PCDHGB3: variants seen among roughly 807,000 people sequenced by gnomAD.
PCDHGB3 encodes protocadherin gamma-B3.
PCDHGB3 carries 40 observed loss-of-function variants against 59.2 expected under a neutral mutation model. The observed-to-expected ratio is 0.68, with a 90% CI of 0.52 to 0.88. PCDHGB3 has a LOEUF of 0.88. PCDHGB3 is among the 40% of genes least tolerant of loss of function. The pLI, the probability that PCDHGB3 is intolerant of heterozygous loss-of-function variation, is 0.00. For missense variants in PCDHGB3, 1,309 were observed against 1,187.9 expected, an observed-to-expected ratio of 1.10 and a Z score of -1.50; for synonymous variants, 581 against 503.6, an observed-to-expected ratio of 1.15 and a Z score of -2.06.
intron 1 of PCDHGB3, chr5:141,421,172 G>T: frequency 7.3e-7 from 1 of 1,366,164 alleles, no homozygotes. Flanking sequence ...AGATACATAA[G>T]CCGATTCACA....
intron 1 of PCDHGB3, among the ~76,000 whole-genome samples, chr5:141,468,868 A>T (rs1006995156): frequency 9.2e-5 from 14 of 151,794 alleles, no homozygotes; most frequent in African/African-American, 2.4e-4. Flanking sequence ...TCCATCTCAA[A>T]AATAATAATA....
intron 1 of PCDHGB3, chr5:141,492,073 G>C (rs2099736846): frequency 6.2e-6 from 3 of 480,898 alleles, no homozygotes; most frequent in Non-Finnish European, 1.1e-5. Flanking sequence ...CCTAGGCGCC[G>C]GCTCCGGCAC....
chr5:141,395,074 C>G, intron 1 of PCDHGB3: 1 of 1,614,166 alleles, frequency 6.2e-7, no homozygotes, highest in East Asian at 2.2e-5. Flanking sequence ...CAGACCTATT[C>G]CCAGGAAGTC....
chr5:141,434,938 A>G (rs938787407), intron 1 of PCDHGB3, among the ~76,000 whole-genome samples: 2 of 151,738 alleles, frequency 1.3e-5, no homozygotes, highest in Admixed American at 1.3e-4. Flanking sequence ...TATATAATAG[A>G]TATAATTTAT....
chr5:141,458,888 T>C (rs756640295), intron 1 of PCDHGB3, among the ~76,000 whole-genome samples: 3 of 152,118 alleles, frequency 2.0e-5, no homozygotes, highest in Non-Finnish European at 2.9e-5. Flanking sequence ...ATGCACACCA[T>C]GCGCAGCTAA....
chr5:141,393,450 A>G, intron 1 of PCDHGB3: 1 of 1,614,028 alleles, frequency 6.2e-7, no homozygotes, highest in Non-Finnish European at 8.5e-7. Context: ...CCTGGTCCTC[A>G]CGGCCTCGGA....
intron 1 of PCDHGB3, chr5:141,424,522 T>C (rs2096826398): frequency 6.6e-6 from 1 of 152,212 alleles, no homozygotes; most frequent in South Asian, 2.1e-4. Flanking sequence ...ATGTAGTAAA[T>C]CCATATATAG....
chr5:141,487,608 G>A lies in PCDHGB3; in HGVS notation c.2416-7199G>A, dbSNP rs970411391. On this transcript the variant is annotated intron_variant, in intron 1 of 3. Coordinates refer to ENST00000576222, the MANE Select transcript of PCDHGB3 (RefSeq NM_018924.5). The surrounding 1 kb of genome is among the most constrained non-coding windows in gnomAD (Gnocchi z 5.0). ...TGCCCACCCTCTGATCTTCTCTATG[G>A]GCTAGAGGTGAGACCTTTGCAGGCT... 1 of 1,614,182 alleles carries A rather than the reference G, an allele frequency of 6.2e-7. No individual in the cohort carries two copies. Among genetic ancestry groups the A allele is most frequent in the African/African-American group, 1.3e-5 (1 of 75,050 alleles).
chr5:141,386,951 G>C (rs1313182720), intron 1 of PCDHGB3, among the ~76,000 whole-genome samples: 4 of 152,342 alleles, frequency 2.6e-5, no homozygotes, highest in Non-Finnish European at 4.4e-5. Flanking sequence ...CAGTGCTTCA[G>C]TGCAGCAGAT....
At chr5:141,401,919 G>A (rs2150915658) in intron 1 of PCDHGB3, among the ~76,000 whole-genome samples, 1 of 152,224 alleles carries the variant, frequency 6.6e-6, no homozygotes, top group Non-Finnish European at 1.5e-5. Context: ...ATAAGTTTAA[G>A]TGATGCTTAG....
intron 1 of PCDHGB3, chr5:141,402,801 G>T (rs1218765657): frequency 1.2e-5 from 13 of 1,078,506 alleles, no homozygotes; most frequent in Non-Finnish European, 1.7e-5. Context: ...CACAAAACCC[G>T]GCAGATACCA....
chr5:141,496,766 CT>C (rs1361332988), intron 2 of PCDHGB3, among the ~76,000 whole-genome samples: 1 of 152,068 alleles, frequency 6.6e-6, no homozygotes, highest in Non-Finnish European at 1.5e-5. Context: ...TATCGAGCAT[CT>C]ACTATGAGCA....
At position 141,371,721 on chromosome 5, in the gene PCDHGB3, C is replaced by T. The variant is rs199558038; in HGVS notation, c.1327C>T (p.Leu443Phe). 1,426 of 1,614,084 alleles carry T rather than the reference C, an allele frequency of 8.8e-4. 23 individuals are homozygous for T. In the South Asian group the frequency reaches 0.014, roughly 16 times the overall value. The change falls in exon 1 of 4, where the codon CTT (leucine) becomes TTT (phenylalanine). Residue 443 changes from leucine to phenylalanine, a missense_variant. Coordinates refer to ENST00000576222, the MANE Select transcript of PCDHGB3 (RefSeq NM_018924.5). Reference protein sequence around the residue: ...SSSKTITLHILDVNDNVPVFH... With the variant: ...SSSKTITLHIFDVNDNVPVFH... ...CAGCAAGACCATCACTCTGCACATCCTTGATGTCAACGACAACGTTCCCGT... is the reference window on the plus strand; with the variant it reads ...CAGCAAGACCATCACTCTGCACATCTTTGATGTCAACGACAACGTTCCCGT...
chr5:141,469,505 G>T (rs2099202987), intron 1 of PCDHGB3, among the ~76,000 whole-genome samples: 1 of 152,138 alleles, frequency 6.6e-6, no homozygotes. Flanking sequence ...AACCCGGGAG[G>T]TGGAGGTTGC....
At chr5:141,376,183 C>G (rs1772387950) in intron 1 of PCDHGB3, 1 of 1,614,148 alleles carries the variant, frequency 6.2e-7, no homozygotes, top group Admixed American at 1.7e-5. Context: ...TGGCCGCGGT[C>G]TCCTGCGTCT....
intron 1 of PCDHGB3, chr5:141,395,122 T>C (rs72790033): frequency 0.028 from 44,899 of 1,614,158 alleles, 731 homozygotes; most frequent in Non-Finnish European, 0.032. Flanking sequence ...CACCTGATCT[T>C]TCCCCAGCCC....
At chr5:141,478,625 T>A in intron 1 of PCDHGB3, 3 of 1,554,218 alleles carry the variant, frequency 1.9e-6, no homozygotes, top group Non-Finnish European at 2.6e-6. Context: ...ATGGAGCTGT[T>A]TTTTTAGTGA....
chr5:141,371,265 C>A lies in PCDHGB3; in HGVS notation c.871C>A (p.Leu291Met). The A allele has an allele frequency of 6.2e-7, 1 of 1,614,024 alleles. No homozygotes were observed. The highest frequency in any genetic ancestry group is 8.5e-7 in the Non-Finnish European group (1 of 1,179,894). ...FINIGKEVRQ[L>M]FKLDSKTGEL... is the part of the protein sequence containing the mutation. ...CAATATTGGCAAGGAAGTGAGACAACTGTTCAAGCTGGACAGTAAAACGGG... is the reference window on the plus strand; with the variant it reads ...CAATATTGGCAAGGAAGTGAGACAAATGTTCAAGCTGGACAGTAAAACGGG... Residue 291 changes from leucine to methionine, a missense_variant, in exon 1 of 4, where the codon CTG becomes ATG. By Grantham distance (15) the Leu-to-Met change is conservative (BLOSUM62 2). Coordinates refer to ENST00000576222, the MANE Select transcript of PCDHGB3 (RefSeq NM_018924.5).
intron 1 of PCDHGB3, chr5:141,393,244 A>C: frequency 6.2e-7 from 1 of 1,613,840 alleles, no homozygotes; most frequent in Non-Finnish European, 8.5e-7. Flanking sequence ...AAAATTAACG[A>C]AATCGCGGTT....
Sources: gnomAD v4.1 joint callset for allele counts (sites outside exome capture counted in the v4.1 genomes callset) on GRCh38, gnomAD v4.1.1 for gene constraint, Gnocchi (gnomAD v3.1) non-coding constraint, MANE v1.5 for transcripts, NCBI Gene and HGNC (gene_info 2026-07-23, HGNC 2026-07-21) for gene names.